The following TSPAN15 variants were observed in gnomAD, a reference collection of about 807,000 sequenced individuals.
TSPAN15 encodes tetraspanin 15.
TSPAN15 carries 20 observed loss-of-function variants against 34.5 expected under a neutral mutation model. The ratio of observed to expected loss-of-function variants is 0.58; its 90% CI spans 0.41 to 0.84. The LOEUF (loss-of-function observed/expected upper bound fraction) is 0.84. Ranked by LOEUF, TSPAN15 falls within the 40% of genes least tolerant of loss-of-function variation. The pLI, the probability that TSPAN15 is intolerant of heterozygous loss-of-function variation, is 0.00. For missense variants in TSPAN15, 313 were observed against 386.1 expected (o/e 0.81, Z 1.59); for synonymous variants, 155 against 153.9 (o/e 1.01, Z -0.05).
chr10:69,471,984 A>G (rs1841516848), intron 1 of TSPAN15, among the ~76,000 whole-genome samples: 1 of 152,240 alleles, frequency 6.6e-6, no homozygotes, highest in East Asian at 1.9e-4. Flanking sequence ...CATCATAAAC[A>G]AAAGCTCCAG....
At chr10:69,507,651 G>GTTTTTTTTTTTT (rs398014021) in exon 8 of TSPAN15, 24 of 1,012,114 alleles carry the variant, frequency 2.4e-5, no homozygotes, top group East Asian at 4.1e-4. Flanking sequence ...ATAAAAACAT[G>GTTTTTTTTTTTT]TTTTTTTTTT....
intron 4 of TSPAN15, among the ~76,000 whole-genome samples, 185 bp from the exon 5 acceptor site, chr10:69,498,095 G>T (rs1412851848): frequency 6.6e-6 from 1 of 152,260 alleles, no homozygotes; most frequent in African/African-American, 2.4e-5. Flanking sequence ...GTGACAGGGG[G>T]TTCACTACCC....
At chr10:69,548,412 A>G in the TSPAN15 span, among the ~76,000 whole-genome samples, 1 of 152,260 alleles carries the variant, frequency 6.6e-6, no homozygotes, top group Non-Finnish European at 1.5e-5. Flanking sequence ...GGGAAGCCCT[A>G]TAATTGAGAC....
At chr10:69,543,997 G>A in the TSPAN15 span, among the ~76,000 whole-genome samples, 1 of 151,668 alleles carries the variant, frequency 6.6e-6, no homozygotes, top group Admixed American at 6.6e-5. Context: ...GAACTGGGGG[G>A]CTTTTAATTG....
rs1321752584 is a variant in TSPAN15, at chr10:69,483,700, G to A, written c.106G>A (p.Ala36Thr). 4.3e-6 allele frequency: 7 copies of A among 1,613,514 alleles called. No homozygotes were observed. The highest frequency in any genetic ancestry group is 1.3e-5 in the African/African-American group (1 of 74,890). ...TGTTTTCTTGCTGCAGCTGATTGGG[G>A]CCCTGGTCCTGTCTGTGGGCATCTA... Reference protein sequence around the residue: ...IYSTVFWLIGALVLSVGIYAE... With the variant: ...IYSTVFWLIGTLVLSVGIYAE... Residue 36 changes from alanine (A) to threonine (T), a missense_variant, in exon 2 of 8, where the codon GCC (alanine) becomes ACC (threonine). Physicochemically the swap from Ala to Thr is moderately conservative, Grantham distance 58. Transcript: ENST00000373290.
the TSPAN15 span, among the ~76,000 whole-genome samples, chr10:69,527,163 A>T: frequency 1.3e-4 from 20 of 148,220 alleles, 1 homozygote; most frequent in Admixed American, 2.8e-4. Context: ...TGAAATTCTA[A>T]TACATACTAC....
chr10:69,525,009 A>C, the TSPAN15 span, among the ~76,000 whole-genome samples: 1 of 147,710 alleles, frequency 6.8e-6, no homozygotes. Flanking sequence ...TCGAACTCCT[A>C]ACCTCAGGCA....
At chr10:69,460,761 C>G (rs1841234513) in intron 1 of TSPAN15, among the ~76,000 whole-genome samples, 1 of 152,118 alleles carries the variant, frequency 6.6e-6, no homozygotes, top group Non-Finnish European at 1.5e-5. Flanking sequence ...GAGGGCTTCA[C>G]TGGGCAGGGA....
Position 69,506,185 on chromosome 10 carries a change from T to C in TSPAN15, c.680T>C (p.Phe227Ser), listed in dbSNP as rs745742191. The change falls in exon 7 of 8, where the codon TTC (phenylalanine) becomes TCC (serine). Residue 227 changes from phenylalanine (F) to serine (S), a missense_variant. Phe to Ser is a radical substitution (Grantham distance 155, BLOSUM62 -2). Transcript: ENST00000373290. The surrounding 1 kb of genome is among the most constrained non-coding windows in gnomAD (Gnocchi z 4.7). ...TGCACCAACGCCGTGATCATCTGGT[T>C]CATGGACAACTACACCATCATGGCG... ...RGCTNAVIIW[F>S]MDNYTIMAGI... 1 of 1,614,210 alleles carries C rather than the reference T, an allele frequency of 6.2e-7. No homozygotes were observed. Among genetic ancestry groups the C allele is most frequent in the Non-Finnish European group, 8.5e-7 (1 of 1,180,038 alleles).
chr10:69,498,255 C>T (rs781766567), intron 4 of TSPAN15, 25 bp from the exon 5 acceptor site: 2 of 1,607,858 alleles, frequency 1.2e-6, no homozygotes, highest in Non-Finnish European at 1.7e-6. Context: ...GACGGCAGCT[C>T]CTCTTTCCTG....
At chr10:69,462,207 C>G (rs2133069532) in intron 1 of TSPAN15, among the ~76,000 whole-genome samples, 1 of 129,852 alleles carries the variant, frequency 7.7e-6, no homozygotes, top group Non-Finnish European at 1.6e-5. Context: ...CACCATGTTG[C>G]CCAGCCTAGT....
At position 69,507,438 on chromosome 10, in the gene TSPAN15, G is replaced by T. The variant is rs1008121078; in HGVS notation, c.*460G>T. ...GAGCTGTCCATGCAGCCACGCCCAT[G>T]GCCAGGTTGGCCTCTTCTCAGCCTC... On this transcript the variant is annotated 3_prime_UTR_variant, in exon 8 of 8. Coordinates refer to ENST00000373290, the MANE Select transcript of TSPAN15 (RefSeq NM_012339.5). The T allele has an allele frequency of 2.3e-6, 3 of 1,290,868 alleles. No individual in the cohort carries two copies. Among genetic ancestry groups the T allele is most frequent in the East Asian group, 1.1e-4 (2 of 17,990 alleles). The allele number at this position is 1,290,868 out of a possible 1,614,324, so 80.0% of individuals were successfully genotyped here. A position where few individuals can be genotyped will look rare whatever the true frequency, so the allele number is the denominator to read the frequency against.
the TSPAN15 span, among the ~76,000 whole-genome samples, chr10:69,520,773 A>G: frequency 6.6e-6 from 1 of 152,264 alleles, no homozygotes; most frequent in African/African-American, 2.4e-5. Flanking sequence ...CAATGTTGCC[A>G]TGAATGTTGA....
At chr10:69,537,515 C>G in the TSPAN15 span, among the ~76,000 whole-genome samples, 33 of 152,244 alleles carry the variant, frequency 2.2e-4, no homozygotes, top group Non-Finnish European at 3.4e-4. Context: ...TCCCTTGCTC[C>G]AGCCCTCTCT....
At chr10:69,501,463 T>C (rs1842206983) in intron 5 of TSPAN15, among the ~76,000 whole-genome samples, 1 of 152,230 alleles carries the variant, frequency 6.6e-6, no homozygotes. Flanking sequence ...ATAGAACTGG[T>C]TGATTTGTGT....
chr10:69,506,190 G>C lies in TSPAN15; in HGVS notation c.685G>C (p.Asp229His). The C allele has an allele frequency of 6.2e-7, 1 of 1,614,210 alleles. No homozygotes were observed. Among genetic ancestry groups the C allele is most frequent in the Non-Finnish European group, 8.5e-7 (1 of 1,180,040 alleles). The change falls in exon 7 of 8, where the codon GAC becomes CAC. Residue 229 changes from aspartate to histidine, a missense_variant. Asp to His is a moderately conservative substitution (Grantham distance 81). Transcript: ENST00000373290. The surrounding 1 kb of genome is among the most constrained non-coding windows in gnomAD (Gnocchi z 4.7). ...CTNAVIIWFM[D>H]NYTIMAGILL... ...CAACGCCGTGATCATCTGGTTCATG[G>C]ACAACTACACCATCATGGCGGGCAT...
intron 1 of TSPAN15, among the ~76,000 whole-genome samples, chr10:69,481,086 C>G (rs899804740): frequency 2.6e-5 from 4 of 152,182 alleles, no homozygotes; most frequent in African/African-American, 9.7e-5. Flanking sequence ...TCTCCATGTT[C>G]TGGGTTTTGG....
intron 3 of TSPAN15, among the ~76,000 whole-genome samples, chr10:69,491,777 C>T (rs906062325): frequency 2.6e-5 from 4 of 152,188 alleles, no homozygotes; most frequent in Non-Finnish European, 4.4e-5. Context: ...GAGGGAGCCC[C>T]GGGCCACTCC....
chr10:69,522,654 A>G, the TSPAN15 span, among the ~76,000 whole-genome samples: 1 of 147,040 alleles, frequency 6.8e-6, no homozygotes, highest in Admixed American at 7.1e-5. Context: ...TTTGATTCTT[A>G]TAGGAATGCA....
Sources: allele counts gnomAD v4.1 joint callset (sites outside exome capture counted in the v4.1 genomes callset), GRCh38; gene constraint gnomAD v4.1.1; non-coding constraint Gnocchi (gnomAD v3.1); transcripts MANE v1.5; gene names NCBI Gene and HGNC (gene_info 2026-07-23, HGNC 2026-07-21).